ORC4: variants seen among roughly 807,000 people sequenced by gnomAD.
ORC4 encodes the protein origin recognition complex, subunit 4 homolog.
ORC4 carries 55 observed loss-of-function variants against 63.9 expected under a neutral mutation model. That is an observed-to-expected ratio of 0.86 (90% CI 0.69 to 1.08). The LOEUF is 1.08. ORC4 is among the 50% of genes least tolerant of loss of function. The probability of loss-of-function intolerance (pLI) is 0.00; values close to 1 mark genes in which losing one functional copy is unlikely to be tolerated. For missense variants in ORC4, 511 were observed against 504.4 expected (o/e 1.01, Z -0.13); for synonymous variants, 150 against 168.5 (o/e 0.89, Z 0.85).
Position 147,965,444 on chromosome 2 carries a change from T to C in ORC4, c.226-6578A>G, listed in dbSNP as rs1044933245. 3.3e-4 allele frequency among the ~76,000 whole-genome samples: 50 copies of C among 149,802 alleles called. 1 individual carries two copies. The highest frequency in any genetic ancestry group is 8.9e-5 in the Non-Finnish European group (6 of 67,580). ...GTATGAAAAAGATATCCTATGAAAA[T>C]GGAAAATAAAAGTGATAAGAAAGTT... is the stretch of plus-strand genomic sequence containing the variant. On this transcript the variant is annotated intron_variant, in intron 4 of 13. Transcript: ENST00000392857.
At position 147,949,253 on chromosome 2, in the gene ORC4, C is replaced by T. The variant is rs188706679; in HGVS notation, c.589-1029G>A. ...AACAAAGTGTGGTATATCTACACAA[C>T]AGAATATTATTTGGTAATAAAAAGG... On this transcript the variant is annotated intron_variant, in intron 8 of 13. Transcript: ENST00000392857. Among the ~76,000 whole-genome samples, 159 of 151,896 alleles carry T rather than the reference C, an allele frequency of 1.0e-3. 1 individual carries two copies. The South Asian group carries it at 0.013, about 12-fold the overall frequency.
intron 1 of ORC4, among the ~76,000 whole-genome samples, chr2:147,999,243 G>C (rs1408453386): frequency 6.6e-6 from 1 of 152,160 alleles, no homozygotes; most frequent in African/African-American, 2.4e-5. Context: ...CACAGGGTAA[G>C]ACAGAAGAAA....
intron 1 of ORC4, among the ~76,000 whole-genome samples, chr2:147,986,715 T>C (rs1311772297): frequency 3.3e-5 from 5 of 151,570 alleles, no homozygotes; most frequent in African/African-American, 9.7e-5. Flanking sequence ...CAGGAGGATA[T>C]GGGGAACTCA....
rs1341808933 is a variant in ORC4, at chr2:147,955,330, A to C, written c.436+17T>G. The stretch of plus-strand genomic sequence containing the variant: ...TAAAACAGATCTTCTGAAACGGCTG[A>C]ATATGTTAATATTTACCTTTTTTTA... On this transcript the variant is annotated intron_variant, in intron 7 of 13. Coordinates refer to ENST00000392857, the MANE Select transcript of ORC4 (RefSeq NM_181741.4). 1 of 1,560,170 alleles carries C rather than the reference A, an allele frequency of 6.4e-7. No homozygotes were observed. Among genetic ancestry groups the C allele is most frequent in the South Asian group, 1.1e-5 (1 of 88,854 alleles).
intron 6 of ORC4, 109 bp from the exon 7 acceptor site, chr2:147,955,504 T>C (rs1470128096): frequency 3.9e-6 from 3 of 763,930 alleles, no homozygotes; most frequent in Non-Finnish European, 6.8e-6. Context: ...TTCTAGTTAT[T>C]AGAGTCATTG....
intron 4 of ORC4, 89 bp downstream of exon 4, chr2:147,972,650 A>G: frequency 3.0e-6 from 2 of 667,154 alleles, no homozygotes; most frequent in Non-Finnish European, 4.9e-6. Flanking sequence ...AGTATTACAT[A>G]AAATAAGATT....
Position 147,935,472 on chromosome 2 carries a change from T to A in ORC4, c.*38A>T, listed in dbSNP as rs1328072637. 14 of 1,461,018 alleles carry A rather than the reference T, an allele frequency of 9.6e-6. No homozygotes were observed. The highest frequency in any genetic ancestry group is 1.3e-5 in the Non-Finnish European group (14 of 1,040,720). 90.5% of individuals were successfully genotyped at this position (1,461,018 alleles called of 1,614,324 possible). ...AATAGTTTTCCGTTCTCTACAGAAG[T>A]ATGAATGAAATGCCAAAGTTGAAGT... On this transcript the variant is annotated 3_prime_UTR_variant, in exon 14 of 14. Coordinates refer to ENST00000392857, the MANE Select transcript of ORC4 (RefSeq NM_181741.4).
chr2:148,006,320 G>A (rs867719469), intron 1 of ORC4, among the ~76,000 whole-genome samples: 3 of 152,052 alleles, frequency 2.0e-5, no homozygotes, highest in Non-Finnish European at 2.9e-5. Flanking sequence ...CCCCCAAGGA[G>A]AGTAATTGGT....
chr2:147,955,269 C>T (rs1396169958), intron 7 of ORC4, 78 bp downstream of exon 7: 2 of 943,714 alleles, frequency 2.1e-6, no homozygotes, highest in Non-Finnish European at 3.3e-6. Context: ...TTGGCAAAAG[C>T]TTGTATTACC....
At position 148,010,103 on chromosome 2, in the gene ORC4, C is replaced by T. The variant is rs1573898782; in HGVS notation, c.-18+10530G>A. 3.3e-5 allele frequency among the ~76,000 whole-genome samples: 5 copies of T among 151,880 alleles called. No homozygotes were observed. In the South Asian group the frequency reaches 1.0e-3, roughly 32 times the overall value. On this transcript the variant is annotated intron_variant, in intron 1 of 13. Transcript: ENST00000392857. The stretch of plus-strand genomic sequence containing the variant: ...AATTAAACAATACGTGCCTGAACAA[C>T]CAATGAAGTAATTAAGGAAATTAAA...
chr2:147,963,199 C>T (rs1271979441), intron 4 of ORC4, among the ~76,000 whole-genome samples: 1 of 152,180 alleles, frequency 6.6e-6, no homozygotes, highest in Non-Finnish European at 1.5e-5. Flanking sequence ...CCCTAACAGA[C>T]ACATTACCCT....
At chr2:147,946,157 C>T (rs890532516) in intron 9 of ORC4, among the ~76,000 whole-genome samples, 1 of 151,972 alleles carries the variant, frequency 6.6e-6, no homozygotes, top group Non-Finnish European at 1.5e-5. Context: ...CCAGTAACTC[C>T]CAGCATCCTC....
chr2:147,970,176 A>G (rs1050189681), intron 4 of ORC4, among the ~76,000 whole-genome samples: 29 of 152,290 alleles, frequency 1.9e-4, no homozygotes, highest in African/African-American at 7.0e-4. Context: ...CTTTATTAAG[A>G]AAACTACAAA....
At chr2:147,989,776 T>C (rs956239317) in intron 1 of ORC4, among the ~76,000 whole-genome samples, 4 of 152,112 alleles carry the variant, frequency 2.6e-5, no homozygotes, top group Admixed American at 6.6e-5. Context: ...AGAACACTAA[T>C]TTATATCAAG....
intron 1 of ORC4, among the ~76,000 whole-genome samples, chr2:147,992,297 T>G (rs1265594720): frequency 1.3e-5 from 2 of 152,120 alleles, no homozygotes; most frequent in Admixed American, 6.5e-5. Context: ...GGGGCTTCCC[T>G]CTGTCAACTA....
chr2:147,999,727 T>C (rs1014402775), intron 1 of ORC4, among the ~76,000 whole-genome samples: 7 of 152,076 alleles, frequency 4.6e-5, no homozygotes, highest in Non-Finnish European at 1.0e-4. Flanking sequence ...ACCCACAAAA[T>C]GCCCAGCCAT....
intron 1 of ORC4, among the ~76,000 whole-genome samples, chr2:148,020,232 C>G (rs1558887176): frequency 6.6e-6 from 1 of 152,202 alleles, no homozygotes; most frequent in Non-Finnish European, 1.5e-5. Flanking sequence ...GCGTGTGATG[C>G]ATCTGGTCAA....
At chr2:147,957,955 G>T (rs1451117719) in intron 6 of ORC4, among the ~76,000 whole-genome samples, 1 of 152,076 alleles carries the variant, frequency 6.6e-6, no homozygotes, top group Non-Finnish European at 1.5e-5. Flanking sequence ...GTAGAAATAG[G>T]CTGCTGGAGC....
chr2:148,021,504 GCTGCTGCTA>G, upstream of ORC4: 6 of 578,324 alleles, frequency 1.0e-5, no homozygotes, highest in Admixed American at 1.3e-4. Context: ...TGCTACTGCT[GCTGCTGCTA>G]CTGCTGCTGC....
Sources: allele counts gnomAD v4.1 joint callset (sites outside exome capture counted in the v4.1 genomes callset), GRCh38; gene constraint gnomAD v4.1.1; transcripts MANE v1.5; gene names NCBI Gene and HGNC (gene_info 2026-07-23, HGNC 2026-07-21).